Variants in SMC5 observed in about 807,000 individuals in gnomAD.
The protein encoded by SMC5 is structural maintenance of chromosomes protein 5.
SMC5 carries 88 observed loss-of-function variants against 148.3 expected under a neutral mutation model. The observed-to-expected ratio is 0.59, with a 90% CI of 0.50 to 0.71. The LOEUF (loss-of-function observed/expected upper bound fraction) is 0.71. Ranked by LOEUF, SMC5 falls within the 30% of genes least tolerant of loss-of-function variation. The probability of loss-of-function intolerance (pLI) is 0.00; values close to 1 mark genes in which losing one functional copy is unlikely to be tolerated. For missense variants in SMC5, 1,142 were observed against 1,298.9 expected, an observed-to-expected ratio of 0.88 and a Z score of 1.86; for synonymous variants, 421 against 432.8, an observed-to-expected ratio of 0.97 and a Z score of 0.34.
intron 17 of SMC5, among the ~76,000 whole-genome samples, chr9:70,337,085 C>T (rs962044458): frequency 6.6e-6 from 1 of 152,084 alleles, no homozygotes; most frequent in Non-Finnish European, 1.5e-5. Flanking sequence ...GGACCTGCCC[C>T]CATGATTCAG....
At chr9:70,295,217 GCA>G (rs1435410609) in intron 8 of SMC5, among the ~76,000 whole-genome samples, 1 of 152,024 alleles carries the variant, frequency 6.6e-6, no homozygotes, top group Non-Finnish European at 1.5e-5. Flanking sequence ...TGTAATCCCA[GCA>G]CTTCGGGAGG....
At chr9:70,335,369 C>G (rs2036331319) in intron 17 of SMC5, among the ~76,000 whole-genome samples, 1 of 152,098 alleles carries the variant, frequency 6.6e-6, no homozygotes, top group South Asian at 2.1e-4. Flanking sequence ...TGCCTGTAGT[C>G]CCAGCTACTT....
chr9:70,286,295 T>C, intron 8 of SMC5, 24 bp downstream of exon 8: 1 of 1,464,014 alleles, frequency 6.8e-7, no homozygotes, highest in South Asian at 1.2e-5. Context: ...CTAAAATTTT[T>C]ATTACATTAA....
chr9:70,337,392 G>A (rs2036387252), intron 17 of SMC5, among the ~76,000 whole-genome samples: 1 of 151,814 alleles, frequency 6.6e-6, no homozygotes, highest in Non-Finnish European at 1.5e-5. Flanking sequence ...GGTTGGCAGG[G>A]TGTTCTCTTC....
intron 11 of SMC5, among the ~76,000 whole-genome samples, chr9:70,307,700 C>T (rs1473287556): frequency 2.6e-5 from 4 of 152,072 alleles, no homozygotes; most frequent in Non-Finnish European, 5.9e-5. Flanking sequence ...GACGGGGTTT[C>T]ACCATGTTGA....
At chr9:70,289,972 T>C (rs981769114) in intron 8 of SMC5, among the ~76,000 whole-genome samples, 1 of 151,994 alleles carries the variant, frequency 6.6e-6, no homozygotes, top group African/African-American at 2.4e-5. Flanking sequence ...CAAAACCGTT[T>C]TGAGTGTGTT....
chr9:70,304,193 A>G (rs558099906), intron 10 of SMC5, among the ~76,000 whole-genome samples: 5 of 152,246 alleles, frequency 3.3e-5, no homozygotes, highest in Non-Finnish European at 5.9e-5. Context: ...GGCTTAAGCG[A>G]TATTCCCACC....
In SMC5 at chr9:70,278,580, T is replaced by A. The variant is rs768306620; in HGVS notation, c.633T>A (p.Tyr211Ter). The A allele has an allele frequency of 6.2e-7, 1 of 1,611,992 alleles. No individual in the cohort carries two copies. Among genetic ancestry groups the A allele is most frequent in the Non-Finnish European group, 8.5e-7 (1 of 1,179,324 alleles). The change falls in exon 5 of 25, where the codon TAT (tyrosine) becomes TAA (stop). Residue 211 changes from tyrosine to a stop codon, truncating the protein, a stop_gained. Coordinates refer to ENST00000361138, the MANE Select transcript of SMC5 (RefSeq NM_015110.4). LOFTEE classifies it high-confidence loss of function. ...KSIGPPEMHKYHCELKNLREK... is the reference protein window; with the variant it reads ...KSIGPPEMHK ...TTGGTCCCCCAGAAATGCACAAATA[T>A]CACTGTGAACTCAAAAACTTAAGGG...
intron 20 of SMC5, 84 bp downstream of exon 20, chr9:70,347,245 C>A: frequency 1.9e-6 from 2 of 1,080,902 alleles, no homozygotes; most frequent in East Asian, 2.5e-5. Context: ...ACAGAGTTCC[C>A]TCCAGTACTT....
intron 17 of SMC5, among the ~76,000 whole-genome samples, chr9:70,325,773 TAA>T (rs1467190243): frequency 6.6e-6 from 1 of 152,050 alleles, no homozygotes; most frequent in African/African-American, 2.4e-5. Context: ...TTTCAGGAAA[TAA>T]AAAGTTATTA....
intron 10 of SMC5, among the ~76,000 whole-genome samples, chr9:70,300,521 C>A (rs1479994182): frequency 6.6e-6 from 1 of 151,944 alleles, no homozygotes; most frequent in Non-Finnish European, 1.5e-5. Context: ...TAGATTAAAA[C>A]CCTGCTGAAG....
intron 15 of SMC5, among the ~76,000 whole-genome samples, chr9:70,319,484 T>A (rs955934160): frequency 6.6e-6 from 1 of 152,196 alleles, no homozygotes; most frequent in African/African-American, 2.4e-5. Flanking sequence ...CTTAATTCTG[T>A]ATATTGAGTT....
At chr9:70,320,494 T>C (rs2035915160) in intron 15 of SMC5, among the ~76,000 whole-genome samples, 1 of 152,178 alleles carries the variant, frequency 6.6e-6, no homozygotes, top group Admixed American at 6.5e-5. Flanking sequence ...TTCTTGTCAT[T>C]ATTCCTTAAG....
chr9:70,292,998 T>C (rs191224592), intron 8 of SMC5, among the ~76,000 whole-genome samples: 1 of 152,266 alleles, frequency 6.6e-6, no homozygotes, highest in East Asian at 1.9e-4. Flanking sequence ...GGATAATAAC[T>C]AGCTTCATAA....
intron 17 of SMC5, among the ~76,000 whole-genome samples, chr9:70,326,666 ATC>A (rs2036087206): frequency 6.7e-6 from 1 of 148,304 alleles, no homozygotes; most frequent in Non-Finnish European, 1.5e-5. Flanking sequence ...AGCTACACTC[ATC>A]TAAATAGATC....
At chr9:70,317,492 T>A (rs903689442) in intron 13 of SMC5, among the ~76,000 whole-genome samples, 1 of 152,156 alleles carries the variant, frequency 6.6e-6, no homozygotes, top group African/African-American at 2.4e-5. Context: ...CTATCCCTTT[T>A]TTTCAGATTA....
chr9:70,324,631 A>G (rs1428375821), intron 17 of SMC5, among the ~76,000 whole-genome samples: 4 of 152,118 alleles, frequency 2.6e-5, no homozygotes, highest in Non-Finnish European at 5.9e-5. Flanking sequence ...ATCAAACTGT[A>G]TACCATAGGG....
intron 17 of SMC5, among the ~76,000 whole-genome samples, chr9:70,334,283 T>C: frequency 6.6e-6 from 1 of 152,156 alleles, no homozygotes. Context: ...CAGACTTAAA[T>C]GTAAGAGCTA....
At chr9:70,327,037 T>C (rs115283171) in intron 17 of SMC5, among the ~76,000 whole-genome samples, 1 of 152,260 alleles carries the variant, frequency 6.6e-6, no homozygotes, top group East Asian at 1.9e-4. Flanking sequence ...TAATAAAACC[T>C]TAAAGCTTTT....
Sources: gnomAD v4.1 joint callset for allele counts (sites outside exome capture counted in the v4.1 genomes callset) on GRCh38, gnomAD v4.1.1 for gene constraint, MANE v1.5 for transcripts, NCBI Gene and HGNC (gene_info 2026-07-23, HGNC 2026-07-21) for gene names.